The following PCNX2 variants were observed in gnomAD, a reference collection of about 807,000 sequenced individuals.
PCNX2 encodes the protein pecanex-like protein 2.
In PCNX2, 168 loss-of-function variants were observed where a neutral mutation model predicts 223.8. That is an observed-to-expected ratio of 0.75 (90% CI 0.66 to 0.85). The LOEUF is 0.85. PCNX2 is among the 40% of genes least tolerant of loss of function. The probability of loss-of-function intolerance (pLI) is 0.00; values close to 1 mark genes in which losing one functional copy is unlikely to be tolerated. For synonymous variants in PCNX2, 1,006 were observed against 1,052.6 expected, an observed-to-expected ratio of 0.96 and a Z score of 0.86; for missense variants, 2,507 against 2,675.5, an observed-to-expected ratio of 0.94 and a Z score of 1.39.
intron 1 of PCNX2, among the ~76,000 whole-genome samples, chr1:233,263,468 T>C (rs925056775): frequency 5.3e-5 from 8 of 150,832 alleles, no homozygotes; most frequent in East Asian, 3.9e-4. Context: ...TTTTTTTTTT[T>C]TTTTTGAGAC....
intron 28 of PCNX2, among the ~76,000 whole-genome samples, chr1:233,011,610 T>C (rs1670471526): frequency 6.6e-6 from 1 of 152,158 alleles, no homozygotes; most frequent in Non-Finnish European, 1.5e-5. Flanking sequence ...GTCCAAGCTT[T>C]AATCATGGAC....
intron 13 of PCNX2, among the ~76,000 whole-genome samples, chr1:233,200,748 A>T (rs540439887): frequency 6.6e-6 from 1 of 151,978 alleles, no homozygotes; most frequent in Non-Finnish European, 1.5e-5. Flanking sequence ...CAGGACAGGC[A>T]CGGTGGCTCA....
intron 15 of PCNX2, among the ~76,000 whole-genome samples, chr1:233,192,796 G>A (rs1425366429): frequency 4.0e-5 from 6 of 151,530 alleles, no homozygotes; most frequent in Admixed American, 1.3e-4. Flanking sequence ...AATAGTACTT[G>A]TCTCAGTTAT....
chr1:233,283,999 T>C (rs974170848), intron 1 of PCNX2, among the ~76,000 whole-genome samples: 7 of 152,154 alleles, frequency 4.6e-5, no homozygotes, highest in Admixed American at 3.9e-4. Flanking sequence ...CCCTCTGATA[T>C]GATGGATGAC....
In PCNX2 at chr1:233,189,905, C is replaced by T. The variant is rs567600575; in HGVS notation, c.3066+9034G>A. Among the ~76,000 whole-genome samples the T allele has an allele frequency of 1.4e-4, 22 of 152,310 alleles. 1 individual carries two copies. The South Asian group carries it at 4.3e-3, about 30-fold the overall frequency. The stretch of plus-strand genomic sequence containing the variant: ...ATATTCTGGTTGTTTCTGTAGATCA[C>T]TGTCAAATACTATTTAAGTCAATGA... On this transcript the variant is annotated intron_variant, in intron 15 of 33. Coordinates refer to ENST00000258229, the MANE Select transcript of PCNX2 (RefSeq NM_014801.4).
chr1:233,043,541 A>C (rs1337694802), intron 25 of PCNX2, among the ~76,000 whole-genome samples: 2 of 149,100 alleles, frequency 1.3e-5, no homozygotes, highest in Non-Finnish European at 3.0e-5. Flanking sequence ...TATCTCCTAA[A>C]GCTATCCCTC....
At chr1:233,264,511 A>C (rs1660229945) in intron 1 of PCNX2, among the ~76,000 whole-genome samples, 1 of 150,956 alleles carries the variant, frequency 6.6e-6, no homozygotes, top group Non-Finnish European at 1.5e-5. Context: ...TGGAATAGCC[A>C]AACAGAGCAC....
At chr1:233,173,477 C>T (rs1057160280) in intron 17 of PCNX2, among the ~76,000 whole-genome samples, 1 of 152,206 alleles carries the variant, frequency 6.6e-6, no homozygotes, top group Non-Finnish European at 1.5e-5. Context: ...AGTCTTCACT[C>T]TTAAATCTAA....
intron 23 of PCNX2, among the ~76,000 whole-genome samples, chr1:233,064,408 C>G (rs1295739197): frequency 3.9e-5 from 6 of 152,180 alleles, no homozygotes; most frequent in Admixed American, 3.9e-4. Flanking sequence ...CCACTCTTCC[C>G]TCTCTCTGAC....
chr1:233,114,422 C>T (rs1050396066), intron 21 of PCNX2, among the ~76,000 whole-genome samples: 3 of 152,168 alleles, frequency 2.0e-5, no homozygotes, highest in Admixed American at 1.3e-4. Context: ...AGAGCAAGAA[C>T]GGAGACCAGT....
intron 26 of PCNX2, among the ~76,000 whole-genome samples, chr1:233,017,985 A>T (rs1311633446): frequency 2.0e-5 from 3 of 152,152 alleles, no homozygotes; most frequent in Non-Finnish European, 4.4e-5. Flanking sequence ...GCCAATGAGT[A>T]TTTAATGAAC....
chr1:233,317,674 G>A, the PCNX2 span, among the ~76,000 whole-genome samples: 10 of 151,960 alleles, frequency 6.6e-5, no homozygotes, highest in Middle Eastern at 3.4e-3. Context: ...AGGGGCGGGG[G>A]GAGAAGGGAT....
intron 10 of PCNX2, among the ~76,000 whole-genome samples, chr1:233,226,418 C>T (rs569326578): frequency 1.1e-3 from 172 of 152,224 alleles, no homozygotes; most frequent in African/African-American, 4.1e-3. Context: ...TACAGGCATG[C>T]ACCACCACAC....
chr1:233,222,672 C>T (rs532396351), intron 10 of PCNX2, among the ~76,000 whole-genome samples: 5 of 152,218 alleles, frequency 3.3e-5, no homozygotes, highest in South Asian at 4.1e-4. Flanking sequence ...AATAGATACA[C>T]GTGGAAGGAA....
At position 233,253,668 on chromosome 1, in the gene PCNX2, T is replaced by C. The variant is rs1345958212; in HGVS notation, c.1835-880A>G. ...GCCTGCTGATTTTGAACAATATGCT[T>C]AGCACTGTGTAGGACACAGAGAGCT... On this transcript the variant is annotated intron_variant, in intron 5 of 33. Coordinates refer to ENST00000258229, the MANE Select transcript of PCNX2 (RefSeq NM_014801.4). This position sits in a 1 kb window ranked among gnomAD's most constrained non-coding sequence, Gnocchi z 4.2. Among the ~76,000 whole-genome samples the C allele has an allele frequency of 1.3e-5, 2 of 152,208 alleles. No homozygotes were observed. Among genetic ancestry groups the C allele is most frequent in the Non-Finnish European group, 2.9e-5 (2 of 68,040 alleles).
intron 25 of PCNX2, among the ~76,000 whole-genome samples, chr1:233,043,013 G>A (rs114384589): frequency 2.1e-3 from 324 of 152,280 alleles, no homozygotes; most frequent in Non-Finnish European, 3.7e-3. Context: ...TAAGCCTCAG[G>A]AAAGCCTATT....
Position 233,139,806 on chromosome 1 carries a change from A to G in PCNX2, c.3567T>C (p.Cys1189=), listed in dbSNP as rs1428892169. The change falls in exon 20 of 34, where the codon TGT becomes TGC. Residue 1189 remains cysteine (C), a synonymous_variant. Coordinates refer to ENST00000258229, the MANE Select transcript of PCNX2 (RefSeq NM_014801.4). This position sits in a 1 kb window ranked among gnomAD's most constrained non-coding sequence, Gnocchi z 4.4. ...CTGGGTACAAGATGTATTTTTCAAA[A>G]CACTGAAGCCAAACATAGAGTCTTT... The part of the protein sequence containing the change: ...WFERLYVWLQ[C]FEKYILYPAL... The G allele has an allele frequency of 3.7e-6, 6 of 1,613,596 alleles. No homozygotes were observed. The South Asian group carries it at 5.5e-5, about 15-fold the overall frequency.
intron 21 of PCNX2, among the ~76,000 whole-genome samples, chr1:233,104,670 G>C (rs1052523958): frequency 6.6e-5 from 10 of 152,100 alleles, no homozygotes; most frequent in African/African-American, 2.2e-4. Flanking sequence ...CTTCATCTAA[G>C]AGATATGTAT....
At position 233,122,112 on chromosome 1, in the gene PCNX2, GGAGAGA is replaced by G. The variant is rs3033288; in HGVS notation, c.3837+12895_3837+12900del. On this transcript the variant is annotated intron_variant, in intron 21 of 33. Transcript: ENST00000258229. ...CACACACACACACACACACACAGAG[GGAGAGA>G]GAGAGAGAGAGACAGAGAGACATGG... Among the ~76,000 whole-genome samples the G allele has an allele frequency of 2.8e-5, 4 of 143,490 alleles. 1 individual carries two copies. The highest frequency in any genetic ancestry group is 4.4e-4 in the South Asian group (2 of 4,516). The allele number at this position is 143,490 out of a possible 152,430, so 94.1% of individuals were successfully genotyped here.
Sources: allele counts gnomAD v4.1 joint callset (sites outside exome capture counted in the v4.1 genomes callset), GRCh38; gene constraint gnomAD v4.1.1; non-coding constraint Gnocchi (gnomAD v3.1); transcripts MANE v1.5; gene names NCBI Gene and HGNC (gene_info 2026-07-23, HGNC 2026-07-21).